Variants in ENDOD1 observed in about 807,000 individuals in gnomAD.
ENDOD1 encodes the protein endonuclease domain containing 1.
ENDOD1 carries 9 observed loss-of-function variants against 6.5 expected under a neutral mutation model. The observed-to-expected ratio is 1.39, with a 90% CI of 0.84 to 2.43. The LOEUF (loss-of-function observed/expected upper bound fraction) is 2.43. ENDOD1 is among the 30% of genes most tolerant of loss of function. ENDOD1 has a pLI of 0.00. For synonymous variants in ENDOD1, 255 were observed against 255.2 expected, an observed-to-expected ratio of 1.00 and a Z score of 0.01; for missense variants, 648 against 635.5, an observed-to-expected ratio of 1.02 and a Z score of -0.21.
At chr11:95,112,190 G>C (rs1035224826) in intron 1 of ENDOD1, among the ~76,000 whole-genome samples, 2 of 152,184 alleles carry the variant, frequency 1.3e-5, no homozygotes, top group Non-Finnish European at 2.9e-5. Flanking sequence ...CTTTTGGCAT[G>C]ACCCTAGACA....
intron 1 of ENDOD1, among the ~76,000 whole-genome samples, chr11:95,121,268 C>G (rs79384996): frequency 0.033 from 5,081 of 152,198 alleles, 238 homozygotes; most frequent in African/African-American, 0.11. Flanking sequence ...TCTTCATTTT[C>G]TTCTTCAGTG....
intron 1 of ENDOD1, among the ~76,000 whole-genome samples, chr11:95,120,974 G>T (rs985930173): frequency 6.6e-6 from 1 of 152,116 alleles, no homozygotes; most frequent in Non-Finnish European, 1.5e-5. Flanking sequence ...TCAATGCCTC[G>T]CAGTTGCTGT....
At chr11:95,123,531 G>A (rs1193449140) in intron 1 of ENDOD1, among the ~76,000 whole-genome samples, 1 of 141,304 alleles carries the variant, frequency 7.1e-6, no homozygotes, top group Non-Finnish European at 1.5e-5. Context: ...CAGTAAAAGT[G>A]TTGAAACATA....
At chr11:95,112,437 G>A (rs755009562) in intron 1 of ENDOD1, among the ~76,000 whole-genome samples, 1 of 152,222 alleles carries the variant, frequency 6.6e-6, no homozygotes, top group Admixed American at 6.5e-5. Context: ...GTTTTCCCAT[G>A]TCTGACATGG....
intron 1 of ENDOD1, among the ~76,000 whole-genome samples, chr11:95,102,412 C>T (rs1296686014): frequency 6.6e-6 from 1 of 150,848 alleles, no homozygotes; most frequent in Non-Finnish European, 1.5e-5. Context: ...TGGCTCATGC[C>T]TGTAATCCCA....
intron 1 of ENDOD1, among the ~76,000 whole-genome samples, chr11:95,112,534 C>T (rs1171633059): frequency 1.3e-5 from 2 of 152,240 alleles, no homozygotes; most frequent in Admixed American, 6.5e-5. Context: ...TGATCCCCTG[C>T]TGCCCTTTCC....
Position 95,129,481 on chromosome 11 carries a change from A to T in ENDOD1, c.1405A>T (p.Thr469Ser). The change falls in exon 2 of 2, where the codon ACT (threonine) becomes TCT (serine). Residue 469 changes from threonine (T) to serine (S), a missense_variant. By Grantham distance (58) the Thr-to-Ser change is moderately conservative (BLOSUM62 1). Transcript: ENST00000278505. ...LGGTVSLLFD[T>S]AFGTLGGLFQ... Reference sequence around the variant, plus strand: ...TGGCACTGTCTCACTGCTCTTTGACACTGCTTTTGGTACCCTGGGTGGCCT... The same window carrying T: ...TGGCACTGTCTCACTGCTCTTTGACTCTGCTTTTGGTACCCTGGGTGGCCT... 2 of 1,614,146 alleles carry T rather than the reference A, an allele frequency of 1.2e-6. No homozygotes were observed. Among genetic ancestry groups the T allele is most frequent in the Non-Finnish European group, 1.7e-6 (2 of 1,180,026 alleles).
At chr11:95,097,551 G>A (rs1411325462) in intron 1 of ENDOD1, among the ~76,000 whole-genome samples, 3 of 152,204 alleles carry the variant, frequency 2.0e-5, no homozygotes, top group African/African-American at 7.2e-5. Flanking sequence ...TACTGTGTGT[G>A]AAGTGGGAAG....
Position 95,129,448 on chromosome 11 carries a change from G to A in ENDOD1, c.1372G>A (p.Gly458Ser). ...AATTGTTTGCAAGGACATTGCACTGGGCCTTGGTGGCACTGTCTCACTGCT... is the reference window on the plus strand; with the variant it reads ...AATTGTTTGCAAGGACATTGCACTGAGCCTTGGTGGCACTGTCTCACTGCT... ...IPIVCKDIAL[G>S]LGGTVSLLFD... Residue 458 changes from glycine (G) to serine (S), a missense_variant, in exon 2 of 2, where the codon GGC becomes AGC. Gly to Ser is a moderately conservative substitution (Grantham distance 56). Coordinates refer to ENST00000278505, the MANE Select transcript of ENDOD1 (RefSeq NM_015036.3). 6.2e-7 allele frequency: 1 copy of A among 1,614,164 alleles called. No individual in the cohort carries two copies. The highest frequency in any genetic ancestry group is 8.5e-7 in the Non-Finnish European group (1 of 1,180,042).
In ENDOD1 at chr11:95,130,681, AT is replaced by A. The variant is rs1265740528; in HGVS notation, c.*1103del. 4 of 152,190 alleles carry A rather than the reference AT, an allele frequency of 2.6e-5. No individual in the cohort carries two copies. Among genetic ancestry groups the A allele is most frequent in the African/African-American group, 7.2e-5 (3 of 41,462 alleles). The allele number at this position is 152,190 out of a possible 1,614,324, so 9.4% of individuals were successfully genotyped here. A position where few individuals can be genotyped will look rare whatever the true frequency, so the allele number is the denominator to read the frequency against. On this transcript the variant is annotated 3_prime_UTR_variant, in exon 2 of 2. Coordinates refer to ENST00000278505, the MANE Select transcript of ENDOD1 (RefSeq NM_015036.3). Reference sequence around the variant, plus strand: ...GTTATTGTGGCCATCTCTGAAAAAAATATATAAAATATTTAAGAATAATTAT... The same window carrying A: ...GTTATTGTGGCCATCTCTGAAAAAAAATATAAAATATTTAAGAATAATTAT...
At chr11:95,109,667 C>T (rs1555111723) in intron 1 of ENDOD1, among the ~76,000 whole-genome samples, 1 of 152,274 alleles carries the variant, frequency 6.6e-6, no homozygotes, top group East Asian at 1.9e-4. Context: ...CACTCTGAGG[C>T]GCTGTCTCCA....
In ENDOD1 at chr11:95,098,626, T is replaced by C. The variant is rs539793715; in HGVS notation, c.300+8399T>C. Among the ~76,000 whole-genome samples the C allele has an allele frequency of 4.7e-4, 72 of 152,308 alleles. 1 individual carries two copies. The South Asian group carries it at 0.013, about 28-fold the overall frequency. On this transcript the variant is annotated intron_variant, in intron 1 of 1. Coordinates refer to ENST00000278505, the MANE Select transcript of ENDOD1 (RefSeq NM_015036.3). ...GTGCGAGATACCTTCAGGTATTCAATTGACCTTCAAGTAAGTACAGTCTAG... is the reference window on the plus strand; with the variant it reads ...GTGCGAGATACCTTCAGGTATTCAACTGACCTTCAAGTAAGTACAGTCTAG...
In ENDOD1 at chr11:95,131,473, TG is replaced by T. The variant is rs1318099927; in HGVS notation, c.*1896del. Reference sequence around the variant, plus strand: ...GGCAACAGGCTAGCCCTTAGTTTCATGGCTAGCTGAGAGCAGATTAGGAGCC... The same window carrying T: ...GGCAACAGGCTAGCCCTTAGTTTCATGCTAGCTGAGAGCAGATTAGGAGCC... On this transcript the variant is annotated 3_prime_UTR_variant, in exon 2 of 2. Coordinates refer to ENST00000278505, the MANE Select transcript of ENDOD1 (RefSeq NM_015036.3). 2.0e-5 allele frequency: 3 copies of T among 152,248 alleles called. No individual in the cohort carries two copies. The highest frequency in any genetic ancestry group is 4.4e-5 in the Non-Finnish European group (3 of 68,048). 9.4% of individuals were successfully genotyped at this position (152,248 alleles called of 1,614,324 possible). A position where few individuals can be genotyped will look rare whatever the true frequency, so the allele number is the denominator to read the frequency against.
chr11:95,124,291 G>A (rs564636705), intron 1 of ENDOD1, among the ~76,000 whole-genome samples: 2 of 152,228 alleles, frequency 1.3e-5, no homozygotes, highest in Admixed American at 6.5e-5. Flanking sequence ...TTCCCTATCT[G>A]TAAAATAAAG....
chr11:95,129,697 T>A lies in ENDOD1; in HGVS notation c.*118T>A. The A allele has an allele frequency of 8.7e-7, 1 of 1,152,940 alleles. No individual in the cohort carries two copies. The highest frequency in any genetic ancestry group is 1.2e-6 in the Non-Finnish European group (1 of 818,466). 71.4% of individuals were successfully genotyped at this position (1,152,940 alleles called of 1,614,324 possible). Reference sequence around the variant, plus strand: ...TATATTTTGGCCTTTGGTGGGGATGTCTGCTTGTTTTTGCAAAAGAAGATG... The same window carrying A: ...TATATTTTGGCCTTTGGTGGGGATGACTGCTTGTTTTTGCAAAAGAAGATG... On this transcript the variant is annotated 3_prime_UTR_variant, in exon 2 of 2. Transcript: ENST00000278505.
intron 1 of ENDOD1, among the ~76,000 whole-genome samples, chr11:95,103,135 G>A (rs1042065607): frequency 2.0e-5 from 3 of 151,692 alleles, no homozygotes; most frequent in Non-Finnish European, 4.4e-5. Context: ...GTGTGTGTGT[G>A]TGTTTCCTCT....
intron 1 of ENDOD1, among the ~76,000 whole-genome samples, chr11:95,096,545 G>A (rs782350480): frequency 6.6e-6 from 1 of 151,950 alleles, no homozygotes; most frequent in Non-Finnish European, 1.5e-5. Flanking sequence ...CTGAAAATAC[G>A]GGTACATTTT....
At chr11:95,104,238 C>A (rs1859068481) in intron 1 of ENDOD1, among the ~76,000 whole-genome samples, 1 of 152,082 alleles carries the variant, frequency 6.6e-6, no homozygotes, top group South Asian at 2.1e-4. Context: ...TTGCTTGAAT[C>A]CAGGAGTTTC....
chr11:95,095,892 T>G (rs1199736230), intron 1 of ENDOD1, among the ~76,000 whole-genome samples: 1 of 152,224 alleles, frequency 6.6e-6, no homozygotes, highest in East Asian at 1.9e-4. Flanking sequence ...AAAATGTTAG[T>G]TTTTTCTCTC....
Sources: allele counts gnomAD v4.1 joint callset (sites outside exome capture counted in the v4.1 genomes callset), GRCh38; gene constraint gnomAD v4.1.1; transcripts MANE v1.5; gene names NCBI Gene and HGNC (gene_info 2026-07-23, HGNC 2026-07-21).